The following GNAT3 variants were observed in gnomAD, a reference collection of about 807,000 sequenced individuals.
The protein encoded by GNAT3 is guanine nucleotide-binding protein G(t) subunit alpha-3.
GNAT3 carries 31 observed loss-of-function variants against 37.7 expected under a neutral mutation model. That is an observed-to-expected ratio of 0.82 (90% confidence interval 0.62 to 1.11). The LOEUF (loss-of-function observed/expected upper bound fraction) is 1.11. Among genes scored for constraint, GNAT3 ranks in the 50% most tolerant of loss-of-function variants. GNAT3 has a pLI of 0.00. For missense variants in GNAT3, 437 were observed against 412.5 expected (o/e 1.06, Z -0.51); for synonymous variants, 138 against 139.8 (o/e 0.99, Z 0.09).
rs368262570 is a variant in GNAT3, at chr7:80,496,112, T to C, written c.119-1465A>G. On this transcript the variant is annotated intron_variant, in intron 1 of 7. Transcript: ENST00000398291. ...CTTTTGAAGTCTTAGTCACAAATTC[T>C]TTGCCTAGGCCAATATCCAGAAGAG... 4.7e-4 allele frequency among the ~76,000 whole-genome samples: 71 copies of C among 152,296 alleles called. 4 individuals carry two copies. The South Asian group carries it at 0.015, about 32-fold the overall frequency.
intron 2 of GNAT3, among the ~76,000 whole-genome samples, chr7:80,489,573 A>C (rs946361981): frequency 1.3e-5 from 2 of 152,166 alleles, no homozygotes; most frequent in Non-Finnish European, 2.9e-5. Flanking sequence ...TGAAGATATT[A>C]GAAGCTTCCT....
chr7:80,505,130 T>G (rs1204129270), intron 1 of GNAT3, among the ~76,000 whole-genome samples: 1 of 152,076 alleles, frequency 6.6e-6, no homozygotes, highest in Non-Finnish European at 1.5e-5. Context: ...GAGAAGTGTA[T>G]CAGGAAAATG....
At chr7:80,468,956 T>C (rs1263783437) in intron 5 of GNAT3, among the ~76,000 whole-genome samples, 1 of 152,144 alleles carries the variant, frequency 6.6e-6, no homozygotes, top group Admixed American at 6.6e-5. Flanking sequence ...TCATATTTTA[T>C]AACTTATTAT....
At chr7:80,478,631 T>C (rs1790342636) in intron 4 of GNAT3, among the ~76,000 whole-genome samples, 1 of 152,208 alleles carries the variant, frequency 6.6e-6, no homozygotes, top group Non-Finnish European at 1.5e-5. Flanking sequence ...AACTTAGTTA[T>C]TTAAAATGCT....
intron 5 of GNAT3, among the ~76,000 whole-genome samples, chr7:80,464,370 G>C (rs1019052088): frequency 6.6e-6 from 1 of 152,066 alleles, no homozygotes; most frequent in Non-Finnish European, 1.5e-5. Flanking sequence ...ATAAGCAAAG[G>C]TGACAGAGGA....
intron 1 of GNAT3, among the ~76,000 whole-genome samples, chr7:80,496,606 T>A (rs1790721652): frequency 6.6e-6 from 1 of 152,202 alleles, no homozygotes; most frequent in African/African-American, 2.4e-5. Flanking sequence ...AATTTCACGT[T>A]GCAAAGAATC....
chr7:80,496,234 G>A (rs867803477), intron 1 of GNAT3, among the ~76,000 whole-genome samples: 20 of 152,176 alleles, frequency 1.3e-4, no homozygotes, highest in African/African-American at 4.8e-4. Context: ...GGGTTCAAGC[G>A]ATTCTCCTGC....
chr7:80,462,639 A>G lies in GNAT3; in HGVS notation c.591-8T>C. 6.2e-7 allele frequency: 1 copy of G among 1,605,770 alleles called. No individual in the cohort carries two copies. Among genetic ancestry groups the G allele is most frequent in the African/African-American group, 1.3e-5 (1 of 74,798 alleles). On this transcript the variant is annotated splice_polypyrimidine_tract_variant and splice_region_variant and intron_variant, in intron 5 of 7. Transcript: ENST00000398291. ...CCACCTACATCAAACATCCTTTAAG[A>G]AAACATCAAATGAATAATAAATCTT...
intron 3 of GNAT3, among the ~76,000 whole-genome samples, chr7:80,479,333 C>T (rs992936617): frequency 1.3e-5 from 2 of 151,284 alleles, no homozygotes; most frequent in African/African-American, 2.4e-5. Context: ...CATATTATAC[C>T]AAGGTAAAAT....
At position 80,474,308 on chromosome 7, in the gene GNAT3, C is replaced by T. The variant is rs879833721; in HGVS notation, c.533G>A (p.Arg178Gln). ...TTCAATGATTCCAGTCGTTTTCACTCGAGAATGGAGAACATCTTGTTCATT... is the reference window on the plus strand; with the variant it reads ...TTCAATGATTCCAGTCGTTTTCACTTGAGAATGGAGAACATCTTGTTCATT... ...VPNEQDVLHS[R>Q]VKTTGIIETQ... The change falls in exon 5 of 8, where the codon CGA becomes CAA. Residue 178 changes from arginine (R) to glutamine (Q), a missense_variant. Transcript: ENST00000398291. 1.0e-5 allele frequency: 16 copies of T among 1,582,802 alleles called. No individual in the cohort carries two copies. Among genetic ancestry groups the T allele is most frequent in the African/African-American group, 5.4e-5 (4 of 74,408 alleles).
intron 1 of GNAT3, among the ~76,000 whole-genome samples, chr7:80,501,302 G>C (rs1320616723): frequency 6.6e-6 from 1 of 151,780 alleles, no homozygotes; most frequent in Non-Finnish European, 1.5e-5. Context: ...TGTCCTGTTT[G>C]CTTTCTTTCT....
chr7:80,469,564 A>C (rs554558721), intron 5 of GNAT3, among the ~76,000 whole-genome samples: 28 of 152,294 alleles, frequency 1.8e-4, no homozygotes, highest in African/African-American at 6.7e-4. Flanking sequence ...TAGATGATAC[A>C]CAATTATGAT....
intron 3 of GNAT3, among the ~76,000 whole-genome samples, chr7:80,484,727 CCCTCTTTT>C (rs1790448192): frequency 6.6e-6 from 1 of 151,822 alleles, no homozygotes; most frequent in Non-Finnish European, 1.5e-5. Context: ...GGTTTGTTAA[CCCTCTTTT>C]CAAGTTCTAT....
chr7:80,488,456 T>C (rs1790529972), intron 3 of GNAT3, 79 bp downstream of exon 3: 2 of 1,133,000 alleles, frequency 1.8e-6, no homozygotes, highest in African/African-American at 1.5e-5. Flanking sequence ...AGATTAATAC[T>C]ATGAACTTAT....
At chr7:80,477,656 T>C (rs1224705731) in intron 4 of GNAT3, among the ~76,000 whole-genome samples, 5 of 152,192 alleles carry the variant, frequency 3.3e-5, no homozygotes, top group Non-Finnish European at 1.5e-5. Context: ...GCAAGCTTCA[T>C]TGTTCTGTCC....
chr7:80,469,153 G>A (rs539138169), intron 5 of GNAT3, among the ~76,000 whole-genome samples: 6 of 152,116 alleles, frequency 3.9e-5, no homozygotes, highest in East Asian at 1.9e-4. Flanking sequence ...ACAATTCAAC[G>A]TCATATCTCA....
intron 3 of GNAT3, among the ~76,000 whole-genome samples, chr7:80,485,281 A>G (rs1281729557): frequency 1.3e-5 from 2 of 151,862 alleles, no homozygotes; most frequent in Non-Finnish European, 2.9e-5. Context: ...TATGAATTAT[A>G]TGCCATAGTA....
intron 4 of GNAT3, among the ~76,000 whole-genome samples, chr7:80,475,290 T>C (rs1480968887): frequency 6.6e-6 from 1 of 151,186 alleles, no homozygotes; most frequent in African/African-American, 2.4e-5. Context: ...GCTATAACAG[T>C]CTGCTAAATT....
chr7:80,471,187 G>C (rs1023142155), intron 5 of GNAT3, among the ~76,000 whole-genome samples: 11 of 150,260 alleles, frequency 7.3e-5, no homozygotes, highest in South Asian at 2.2e-4. Flanking sequence ...AGGCCAGTCT[G>C]TCTTTTCACA....
Sources: allele counts gnomAD v4.1 joint callset (sites outside exome capture counted in the v4.1 genomes callset), GRCh38; gene constraint gnomAD v4.1.1; transcripts MANE v1.5; gene names NCBI Gene and HGNC (gene_info 2026-07-23, HGNC 2026-07-21).